Variants in NFIA observed in about 807,000 individuals in gnomAD.
The protein encoded by NFIA is nuclear factor 1 A-type.
In NFIA, 8 loss-of-function variants were observed where a neutral mutation model predicts 62.8. That is an observed-to-expected ratio of 0.13 (90% confidence interval 0.07 to 0.23). The LOEUF is 0.23. Among genes scored for constraint, NFIA ranks in the 10% least tolerant of loss-of-function variants. The pLI is 1.00. For synonymous variants in NFIA, 235 were observed against 238.1 expected, an observed-to-expected ratio of 0.99 and a Z score of 0.12; for missense variants, 410 against 642.1, an observed-to-expected ratio of 0.64 and a Z score of 3.91.
chr1:61,317,177 G>A lies in NFIA; in HGVS notation c.626-15335G>A, dbSNP rs1232695611. Among the ~76,000 whole-genome samples the A allele has an allele frequency of 2.6e-5, 4 of 152,130 alleles. No individual in the cohort carries two copies. In the South Asian group the frequency reaches 6.2e-4, roughly 24 times the overall value. ...AAACGAAAGTCTTTTAAAAAATAAA[G>A]TGAAACTGGAAAAAGGAGGCCATTT... is the stretch of plus-strand genomic sequence containing the variant. On this transcript the variant is annotated intron_variant, in intron 3 of 10. Coordinates refer to ENST00000403491, the MANE Select transcript of NFIA (RefSeq NM_001134673.4).
At chr1:61,229,944 AAAC>A (rs1202666289) in intron 2 of NFIA, among the ~76,000 whole-genome samples, 5 of 152,220 alleles carry the variant, frequency 3.3e-5, no homozygotes, top group Non-Finnish European at 5.9e-5. Flanking sequence ...ATCAGGAAGA[AAAC>A]AAAGATGGCT....
At chr1:61,292,350 G>C (rs958825503) in intron 3 of NFIA, among the ~76,000 whole-genome samples, 4 of 152,248 alleles carry the variant, frequency 2.6e-5, no homozygotes, top group African/African-American at 9.6e-5. Context: ...GTAAATGAAT[G>C]AATCTTGTGT....
chr1:61,092,526 G>A (rs1421834846), intron 2 of NFIA, among the ~76,000 whole-genome samples: 2 of 152,074 alleles, frequency 1.3e-5, no homozygotes, highest in Non-Finnish European at 2.9e-5. Context: ...TCAGTGTCTC[G>A]GAAGCCTGAT....
intron 2 of NFIA, among the ~76,000 whole-genome samples, chr1:61,207,055 G>A (rs1167259114): frequency 1.3e-5 from 2 of 152,148 alleles, no homozygotes; most frequent in Non-Finnish European, 2.9e-5. Flanking sequence ...AATGAAGAAG[G>A]CCAACAGTGG....
intron 2 of NFIA, among the ~76,000 whole-genome samples, chr1:61,253,733 G>GA (rs1656196689): frequency 2.0e-5 from 3 of 152,096 alleles, no homozygotes; most frequent in Non-Finnish European, 1.5e-5. Flanking sequence ...TTTTTGAAAG[G>GA]AAAATGCATC....
intron 6 of NFIA, among the ~76,000 whole-genome samples, chr1:61,379,958 C>T (rs1337149584): frequency 6.6e-6 from 1 of 152,002 alleles, no homozygotes; most frequent in Non-Finnish European, 1.5e-5. Context: ...ATAAGTGCCT[C>T]CAGAGATGAA....
intron 3 of NFIA, among the ~76,000 whole-genome samples, chr1:61,286,043 G>C (rs1265697900): frequency 6.6e-6 from 1 of 152,166 alleles, no homozygotes; most frequent in East Asian, 1.9e-4. Context: ...GCCTGACACT[G>C]AGCGTCTGTT....
At chr1:61,079,958 TC>T (rs1646075328), upstream of NFIA, among the ~76,000 whole-genome samples, 1 of 152,176 alleles carries the variant, frequency 6.6e-6, no homozygotes, top group South Asian at 2.1e-4. Flanking sequence ...TTTTTCTCAG[TC>T]TTGTTTCCAA....
intron 2 of NFIA, among the ~76,000 whole-genome samples, chr1:61,256,434 TAAAAA>T (rs5774549): frequency 5.0e-4 from 51 of 102,008 alleles, no homozygotes; most frequent in African/African-American, 1.9e-3. Context: ...AGACTCCATC[TAAAAA>T]AAAAAAAAAA....
intron 6 of NFIA, among the ~76,000 whole-genome samples, chr1:61,374,500 C>T (rs1664053493): frequency 6.6e-6 from 1 of 152,102 alleles, no homozygotes; most frequent in Non-Finnish European, 1.5e-5. Flanking sequence ...TTATTTTTGG[C>T]CCAGAAACCA....
At chr1:61,133,956 C>G (rs952769097) in intron 2 of NFIA, among the ~76,000 whole-genome samples, 3 of 152,028 alleles carry the variant, frequency 2.0e-5, no homozygotes, top group Admixed American at 2.0e-4. Flanking sequence ...AACCCCATCT[C>G]TCTAACTAAA....
At chr1:61,219,725 A>AAAAAAAAG (rs1653896811) in intron 2 of NFIA, among the ~76,000 whole-genome samples, 2 of 150,298 alleles carry the variant, frequency 1.3e-5, no homozygotes, top group Non-Finnish European at 3.0e-5. Context: ...AAAAAAAAAA[A>AAAAAAAAG]AGAAAAAAGG....
At chr1:61,081,441 G>A (rs1010012950), upstream of NFIA, among the ~76,000 whole-genome samples, 1 of 152,120 alleles carries the variant, frequency 6.6e-6, no homozygotes, top group Admixed American at 6.5e-5. Flanking sequence ...CCTTCCAGAG[G>A]TGTCCCAGAA....
chr1:61,213,859 G>A (rs573937881), intron 2 of NFIA, among the ~76,000 whole-genome samples: 3 of 152,174 alleles, frequency 2.0e-5, no homozygotes, highest in South Asian at 4.2e-4. Context: ...TACACTCCCC[G>A]ACCTCACCCA....
chr1:61,083,425 C>A (rs1646155955), intron 1 of NFIA, among the ~76,000 whole-genome samples: 2 of 152,114 alleles, frequency 1.3e-5, no homozygotes, highest in Non-Finnish European at 1.5e-5. Flanking sequence ...GTTTGTCAGC[C>A]TTCGGGGTCC....
At chr1:61,269,161 C>G (rs1010787540) in intron 2 of NFIA, among the ~76,000 whole-genome samples, 18 of 149,228 alleles carry the variant, frequency 1.2e-4, no homozygotes, top group African/African-American at 4.2e-4. Flanking sequence ...TGTAGAAAAC[C>G]GACAAGAAAA....
intron 2 of NFIA, among the ~76,000 whole-genome samples, chr1:61,221,199 AGT>A (rs553616695): frequency 3.2e-4 from 49 of 152,184 alleles, no homozygotes; most frequent in African/African-American, 1.1e-3. Context: ...TTGTTTGAAG[AGT>A]GTATGTATAA....
Position 61,333,720 on chromosome 1 carries a change from A to C in NFIA, c.700+1134A>C, listed in dbSNP as rs1204097709. Among the ~76,000 whole-genome samples, 4 of 152,338 alleles carry C rather than the reference A, an allele frequency of 2.6e-5. No homozygotes were observed. The East Asian group carries it at 7.7e-4, about 29-fold the overall frequency. ...TTATCCAAAGTCAAACAGTGAGGCC[A>C]GGCACGGTGGCTCACGCTTGTAATC... On this transcript the variant is annotated intron_variant, in intron 4 of 10. Coordinates refer to ENST00000403491, the MANE Select transcript of NFIA (RefSeq NM_001134673.4).
At chr1:61,430,259 A>G (rs1362374851) in intron 10 of NFIA, among the ~76,000 whole-genome samples, 1 of 152,184 alleles carries the variant, frequency 6.6e-6, no homozygotes, top group Non-Finnish European at 1.5e-5. Context: ...CATAGTGGGT[A>G]CTCTGCATAC....
Sources: gnomAD v4.1 joint callset for allele counts (sites outside exome capture counted in the v4.1 genomes callset) on GRCh38, gnomAD v4.1.1 for gene constraint, MANE v1.5 for transcripts, NCBI Gene and HGNC (gene_info 2026-07-23, HGNC 2026-07-21) for gene names.